VANGL1: variants seen among roughly 807,000 people sequenced by gnomAD.
The protein encoded by VANGL1 is VANGL planar cell polarity protein 1.
A neutral mutation model predicts 48.4 loss-of-function variants in VANGL1; 18 were observed. The observed-to-expected ratio is 0.37, with a 90% confidence interval of 0.26 to 0.55. The LOEUF (loss-of-function observed/expected upper bound fraction) is 0.55. VANGL1 is among the 20% of genes least tolerant of loss of function. The probability of loss-of-function intolerance (pLI) is 0.81; values close to 1 mark genes in which losing one functional copy is unlikely to be tolerated. For synonymous variants in VANGL1, 257 were observed against 261.8 expected (o/e 0.98, Z 0.18); for missense variants, 667 against 675.8 (o/e 0.99, Z 0.14).
At position 115,687,991 on chromosome 1, in the gene VANGL1, CACATAGATAGAT is replaced by C. The variant is rs1439998066; in HGVS notation, c.1314+2486_1314+2497del. 1.2e-4 allele frequency among the ~76,000 whole-genome samples: 11 copies of C among 94,192 alleles called. 4 individuals carry two copies. The highest frequency in any genetic ancestry group is 3.8e-4 in the South Asian group (1 of 2,648). The allele number at this position is 94,192 out of a possible 152,430, so 61.8% of individuals were successfully genotyped here. A position where few individuals can be genotyped will look rare whatever the true frequency, so the allele number is the denominator to read the frequency against. ...ATAGATAGATAGATAGATAGATAGA[CACATAGATAGAT>C]ACATAGATAGATACATAGATATATA... On this transcript the variant is annotated intron_variant, in intron 7 of 7. Transcript: ENST00000355485.
intron 4 of VANGL1, among the ~76,000 whole-genome samples, chr1:115,679,100 C>T (rs926013613): frequency 1.3e-5 from 2 of 152,162 alleles, no homozygotes; most frequent in Non-Finnish European, 2.9e-5. Flanking sequence ...GGGCATCAAA[C>T]AGACCATCCT....
chr1:115,684,968 T>A (rs1653538711), intron 6 of VANGL1, among the ~76,000 whole-genome samples: 1 of 152,144 alleles, frequency 6.6e-6, no homozygotes, highest in Non-Finnish European at 1.5e-5. Flanking sequence ...ACTCTTTTCA[T>A]CTAACCATTG....
chr1:115,680,756 G>A (rs1420685310), intron 4 of VANGL1, among the ~76,000 whole-genome samples: 1 of 129,966 alleles, frequency 7.7e-6, no homozygotes, highest in Non-Finnish European at 1.7e-5. Context: ...AGAATTTCCA[G>A]TGGATAGTTT....
chr1:115,661,079 G>A (rs1278021148), intron 3 of VANGL1, among the ~76,000 whole-genome samples: 1 of 152,172 alleles, frequency 6.6e-6, no homozygotes, highest in African/African-American at 2.4e-5. Flanking sequence ...TCTTGGTGTT[G>A]CCCCAGGATG....
intron 4 of VANGL1, among the ~76,000 whole-genome samples, chr1:115,680,031 G>A (rs879801842): frequency 0.034 from 4,930 of 143,094 alleles, 71 homozygotes; most frequent in Middle Eastern, 0.061. Flanking sequence ...GTATGTGAGA[G>A]AGAGAGAGAG....
chr1:115,675,108 T>C (rs1653114687), intron 4 of VANGL1, among the ~76,000 whole-genome samples: 1 of 152,188 alleles, frequency 6.6e-6, no homozygotes, highest in Non-Finnish European at 1.5e-5. Flanking sequence ...GAACAAGGCA[T>C]TGGGTGAACC....
chr1:115,672,295 A>G (rs1653004927), intron 4 of VANGL1, among the ~76,000 whole-genome samples: 1 of 152,196 alleles, frequency 6.6e-6, no homozygotes, highest in African/African-American at 2.4e-5. Flanking sequence ...GATACCCTGC[A>G]GGGCTTGTCC....
Position 115,691,226 on chromosome 1 carries a change from A to G in VANGL1, c.1422A>G (p.Gly474=). ...RLVSDEAVTN[G]LRDGIVFVLK... is the part of the protein sequence containing the mutation. Reference sequence around the variant, plus strand: ...TCAGTGATGAGGCTGTGACTAATGGATTACGGGATGGAATTGTGTTCGTCC... The same window carrying G: ...TCAGTGATGAGGCTGTGACTAATGGGTTACGGGATGGAATTGTGTTCGTCC... The change falls in exon 8 of 8, where the codon GGA becomes GGG. Residue 474 remains glycine (G), a synonymous_variant. Coordinates refer to ENST00000355485, the MANE Select transcript of VANGL1 (RefSeq NM_138959.3). 1 of 1,614,120 alleles carries G rather than the reference A, an allele frequency of 6.2e-7. No homozygotes were observed. The highest frequency in any genetic ancestry group is 8.5e-7 in the Non-Finnish European group (1 of 1,180,018).
intron 4 of VANGL1, among the ~76,000 whole-genome samples, chr1:115,673,446 C>T (rs1210116688): frequency 3.3e-5 from 5 of 152,108 alleles, no homozygotes; most frequent in East Asian, 3.9e-4. Flanking sequence ...CTGTGCTCCC[C>T]GCAAAGCCTC....
At chr1:115,682,304 G>T in intron 4 of VANGL1, 60 bp from the exon 5 acceptor site, 1 of 1,604,454 alleles carries the variant, frequency 6.2e-7, no homozygotes, top group Non-Finnish European at 8.5e-7. Context: ...AGGATTTTTC[G>T]TTTAGGACCT....
At position 115,688,790 on chromosome 1, in the gene VANGL1, T is replaced by C. The variant is rs866252087; in HGVS notation, c.1315-2329T>C. On this transcript the variant is annotated intron_variant, in intron 7 of 7. Transcript: ENST00000355485. ...TAATTCTTCTAATTTATATTTCTTCTTTTTTTTTTTTTTCTTTGAGACGGA... is the reference window on the plus strand; with the variant it reads ...TAATTCTTCTAATTTATATTTCTTCCTTTTTTTTTTTTTCTTTGAGACGGA... Among the ~76,000 whole-genome samples the C allele has an allele frequency of 7.2e-5, 8 of 111,028 alleles. 2 individuals are homozygous for C. Among genetic ancestry groups the C allele is most frequent in the African/African-American group, 2.6e-4 (8 of 30,424 alleles). The allele number at this position is 111,028 out of a possible 152,430, so 72.8% of individuals were successfully genotyped here.
intron 4 of VANGL1, among the ~76,000 whole-genome samples, chr1:115,674,520 C>T (rs916827973): frequency 2.6e-5 from 4 of 152,188 alleles, no homozygotes; most frequent in Non-Finnish European, 5.9e-5. Flanking sequence ...AAAAGGAGAT[C>T]TTTGCAGATT....
chr1:115,684,414 A>T (rs1442919861), intron 6 of VANGL1, among the ~76,000 whole-genome samples: 1 of 152,172 alleles, frequency 6.6e-6, no homozygotes, highest in African/African-American at 2.4e-5. Context: ...TACTGTGATT[A>T]CAGGCATGAG....
At chr1:115,654,809 A>T (rs1479379534) in intron 2 of VANGL1, among the ~76,000 whole-genome samples, 3 of 152,168 alleles carry the variant, frequency 2.0e-5, no homozygotes, top group Non-Finnish European at 4.4e-5. Flanking sequence ...CCCCTCCCTC[A>T]TAGCCATTGT....
intron 6 of VANGL1, 73 bp downstream of exon 6, chr1:115,684,149 T>A: frequency 7.5e-7 from 1 of 1,333,666 alleles, no homozygotes; most frequent in Non-Finnish European, 9.8e-7. Flanking sequence ...TATTTATTTA[T>A]TTATTTAGAG....
At chr1:115,680,685 T>G (rs6699583) in intron 4 of VANGL1, among the ~76,000 whole-genome samples, 105,241 of 151,680 alleles carry the variant, frequency 0.69, 36,715 homozygotes, top group South Asian at 0.75. Context: ...CTGACTTCCA[T>G]ATTCAATTCT....
rs184905686 is a variant in VANGL1, at chr1:115,691,353, C to T, written c.1549C>T (p.Arg517Cys). 449 of 1,613,890 alleles carry T rather than the reference C, an allele frequency of 2.8e-4. No individual in the cohort carries two copies. Among genetic ancestry groups the T allele is most frequent in the Non-Finnish European group, 3.6e-4 (421 of 1,179,998 alleles). Residue 517 changes from arginine to cysteine, a missense_variant, in exon 8 of 8, where the codon CGC (arginine) becomes TGC (cysteine). Coordinates refer to ENST00000355485, the MANE Select transcript of VANGL1 (RefSeq NM_138959.3). ...CCCCAAATCTCACAAATTTGTCCTTCGCTTACAGTCTGAGACATCCGTTTA... is the reference window on the plus strand; with the variant it reads ...CCCCAAATCTCACAAATTTGTCCTTTGCTTACAGTCTGAGACATCCGTTTA... The part of the protein sequence containing the change: ...IDPKSHKFVL[R>C]LQSETSV
intron 1 of VANGL1, among the ~76,000 whole-genome samples, chr1:115,644,970 C>A (rs189569444): frequency 1.2e-3 from 179 of 152,268 alleles, no homozygotes; most frequent in African/African-American, 4.0e-3. Context: ...ATAAAAGAAT[C>A]ATTGGGTTTG....
chr1:115,647,330 A>G (rs1651978454), intron 1 of VANGL1, among the ~76,000 whole-genome samples: 1 of 151,882 alleles, frequency 6.6e-6, no homozygotes, highest in African/African-American at 2.4e-5. Context: ...TCATTGCTTT[A>G]TTGTCTTTTC....
Sources: allele counts gnomAD v4.1 joint callset (sites outside exome capture counted in the v4.1 genomes callset), GRCh38; gene constraint gnomAD v4.1.1; transcripts MANE v1.5; gene names NCBI Gene and HGNC (gene_info 2026-07-23, HGNC 2026-07-21).